ZNG1F: variants seen among roughly 807,000 people sequenced by gnomAD.
The protein encoded by ZNG1F is Zn regulated GTPase metalloprotein activator 1F.
At chr9:41,201,271 A>G in the ZNG1F span, among the ~76,000 whole-genome samples, 1 of 142,832 alleles carries the variant, frequency 7.0e-6, no homozygotes, top group Non-Finnish European at 1.5e-5. Flanking sequence ...ATACATATAT[A>G]TATATATATG....
the ZNG1F span, among the ~76,000 whole-genome samples, chr9:41,142,937 C>CA: frequency 2.7e-5 from 1 of 36,572 alleles, no homozygotes; most frequent in Non-Finnish European, 8.7e-5. Context: ...ATAAATAAAC[C>CA]AAAACCAAAA....
the ZNG1F span, among the ~76,000 whole-genome samples, chr9:41,159,246 CAA>C: frequency 6.7e-6 from 1 of 148,748 alleles, no homozygotes; most frequent in African/African-American, 2.5e-5. Flanking sequence ...ATCTACAATG[CAA>C]ACTGTAGATA....
chr9:41,157,811 T>A, the ZNG1F span: 1 of 149,924 alleles, frequency 6.7e-6, no homozygotes. Context: ...AGAGACAAAT[T>A]CCCATCTTAT....
the ZNG1F span, chr9:41,165,198 T>C: frequency 2.2e-6 from 2 of 920,244 alleles, no homozygotes; most frequent in Non-Finnish European, 3.0e-6. Flanking sequence ...TAAAAACACC[T>C]CATGTAGATC....
At chr9:41,164,981 T>G in the ZNG1F span, 1 of 1,583,586 alleles carries the variant, frequency 6.3e-7, no homozygotes, top group Non-Finnish European at 8.6e-7. Flanking sequence ...TGTAGGCACT[T>G]AACACACATC....
At chr9:41,155,353 C>G in the ZNG1F span, among the ~76,000 whole-genome samples, 4 of 149,100 alleles carry the variant, frequency 2.7e-5, no homozygotes, top group Non-Finnish European at 6.0e-5. Context: ...AGTCAGGAAA[C>G]AACAGGTGCT....
At chr9:41,203,132 GA>G in the ZNG1F span, among the ~76,000 whole-genome samples, 3 of 152,250 alleles carry the variant, frequency 2.0e-5, no homozygotes, top group African/African-American at 7.2e-5. Context: ...ATCACTTCAG[GA>G]GGCACATGAC....
the ZNG1F span, among the ~76,000 whole-genome samples, chr9:41,169,507 G>C: frequency 1.1e-4 from 16 of 149,194 alleles, no homozygotes; most frequent in Non-Finnish European, 1.6e-4. Flanking sequence ...AAATAATTTT[G>C]ATACTAATTA....
At chr9:41,164,956 T>C in the ZNG1F span, 2 of 1,560,242 alleles carry the variant, frequency 1.3e-6, no homozygotes, top group Non-Finnish European at 1.7e-6. Context: ...ACATTCTGTG[T>C]ATACAATATG....
At chr9:41,193,670 CG>C in the ZNG1F span, among the ~76,000 whole-genome samples, 1 of 147,094 alleles carries the variant, frequency 6.8e-6, no homozygotes, top group Non-Finnish European at 1.5e-5. Flanking sequence ...AAAGCCAGGG[CG>C]GGTGGATCAC....
At chr9:41,201,362 C>T in the ZNG1F span, among the ~76,000 whole-genome samples, 1 of 97,362 alleles carries the variant, frequency 1.0e-5, no homozygotes, top group Non-Finnish European at 2.1e-5. Context: ...TCAGGGAGTA[C>T]TGTAGATGAC....
At chr9:41,151,382 A>C in the ZNG1F span, among the ~76,000 whole-genome samples, 2 of 150,258 alleles carry the variant, frequency 1.3e-5, no homozygotes, top group Non-Finnish European at 3.0e-5. Context: ...TGATTGGTGT[A>C]CCTGAAAGTG....
At chr9:41,182,917 A>G in the ZNG1F span, among the ~76,000 whole-genome samples, 6 of 20,154 alleles carry the variant, frequency 3.0e-4, no homozygotes, top group African/African-American at 1.3e-3. Flanking sequence ...TCAAAAGTGA[A>G]GGAAAATCCT....
At chr9:41,141,409 G>A in the ZNG1F span, among the ~76,000 whole-genome samples, 1 of 147,562 alleles carries the variant, frequency 6.8e-6, no homozygotes, top group Non-Finnish European at 1.5e-5. Flanking sequence ...TTCAGGGATA[G>A]AGCCTTAATA....
the ZNG1F span, among the ~76,000 whole-genome samples, chr9:41,196,713 C>CATAT: frequency 1.9e-4 from 16 of 83,416 alleles, 3 homozygotes; most frequent in East Asian, 5.1e-3. Context: ...TATACACACA[C>CATAT]ATATATATAT....
chr9:41,166,569 G>C, the ZNG1F span, among the ~76,000 whole-genome samples: 1 of 120,726 alleles, frequency 8.3e-6, no homozygotes, highest in East Asian at 2.3e-4. Flanking sequence ...CCTGTGTTCA[G>C]CATTCACTTT....
the ZNG1F span, among the ~76,000 whole-genome samples, chr9:41,185,671 CA>C: frequency 6.6e-6 from 1 of 151,542 alleles, no homozygotes; most frequent in East Asian, 1.9e-4. Context: ...GACTCCATCT[CA>C]AAAAAAATAA....
the ZNG1F span, among the ~76,000 whole-genome samples, chr9:41,144,542 C>T: frequency 6.9e-6 from 1 of 144,146 alleles, no homozygotes; most frequent in East Asian, 2.1e-4. Flanking sequence ...AAATGTGAAC[C>T]AAAATGAATA....
chr9:41,203,714 CTT>C, the ZNG1F span, among the ~76,000 whole-genome samples: 1 of 53,376 alleles, frequency 1.9e-5, no homozygotes, highest in Non-Finnish European at 3.6e-5. Context: ...TAAACATAAA[CTT>C]TGAATATTCT....
Sources: gnomAD v4.1 joint callset for allele counts (sites outside exome capture counted in the v4.1 genomes callset) on GRCh38, gnomAD v4.1.1 for gene constraint, MANE v1.5 for transcripts, NCBI Gene and HGNC (gene_info 2026-07-23, HGNC 2026-07-21) for gene names.